Variants in RPTOR observed in about 807,000 individuals in gnomAD.
RPTOR encodes regulatory-associated protein of mTOR.
In RPTOR, 21 loss-of-function variants were observed where a neutral mutation model predicts 169.9. That is an observed-to-expected ratio of 0.12 (90% CI 0.09 to 0.18). The LOEUF is 0.18. RPTOR is among the 10% of genes least tolerant of loss of function. The pLI, the probability that RPTOR is intolerant of heterozygous loss-of-function variation, is 1.00. For synonymous variants in RPTOR, 732 were observed against 753.2 expected (o/e 0.97, Z 0.46); for missense variants, 1,133 against 1,855.9 (o/e 0.61, Z 7.16).
At chr17:80,856,354 T>G (rs2067851765) in intron 12 of RPTOR, among the ~76,000 whole-genome samples, 1 of 152,210 alleles carries the variant, frequency 6.6e-6, no homozygotes. Flanking sequence ...TGAAATCACA[T>G]GACATATGAG....
At chr17:80,556,920 C>T (rs1382369670) in intron 1 of RPTOR, among the ~76,000 whole-genome samples, 1 of 151,900 alleles carries the variant, frequency 6.6e-6, no homozygotes, top group Non-Finnish European at 1.5e-5. Flanking sequence ...ATGGCGAAAC[C>T]CCGTCTCTAC....
chr17:80,821,875 A>C (rs761651764), intron 7 of RPTOR, among the ~76,000 whole-genome samples: 1 of 152,202 alleles, frequency 6.6e-6, no homozygotes, highest in Non-Finnish European at 1.5e-5. Flanking sequence ...AGCACGTGCC[A>C]CAGACTGCCC....
In RPTOR at chr17:80,589,048, C is replaced by T. The variant is rs188280690; in HGVS notation, c.163-36643C>T. On this transcript the variant is annotated intron_variant, in intron 1 of 33. Transcript: ENST00000306801. ...TTGTTTTTTACATTTAGGTCCCTAA[C>T]GAGGGTGACTGCCAGTCCCTGTGTG... Among the ~76,000 whole-genome samples the T allele has an allele frequency of 1.3e-4, 20 of 152,292 alleles. No individual in the cohort carries two copies. In the East Asian group the frequency reaches 1.7e-3, roughly 13 times the overall value.
chr17:80,688,024 C>T (rs891273710), intron 3 of RPTOR, among the ~76,000 whole-genome samples: 1 of 152,332 alleles, frequency 6.6e-6, no homozygotes, highest in African/African-American at 2.4e-5. Context: ...CCCACCTCCA[C>T]TCAGCAGTCT....
rs188478590 is a variant in RPTOR, at chr17:80,751,536, G to A, written c.655-2474G>A. ...TAAGGAGCAAGGAAGGAGCAAAAAT[G>A]CAGACACAGACACATTCTCTCCCCG... On this transcript the variant is annotated intron_variant, in intron 5 of 33. Coordinates refer to ENST00000306801, the MANE Select transcript of RPTOR (RefSeq NM_020761.3). Among the ~76,000 whole-genome samples, 7 of 152,314 alleles carry A rather than the reference G, an allele frequency of 4.6e-5. No homozygotes were observed. In the East Asian group the frequency reaches 1.4e-3, roughly 29 times the overall value.
In RPTOR at chr17:80,965,281, G is replaced by A. The variant is rs546290478; in HGVS notation, c.*951G>A. 2.1e-4 allele frequency: 49 copies of A among 233,390 alleles called. No homozygotes were observed. The highest frequency in any genetic ancestry group is 9.2e-4 in the African/African-American group (42 of 45,486). 14.5% of individuals were successfully genotyped at this position (233,390 alleles called of 1,614,324 possible). A position where few individuals can be genotyped will look rare whatever the true frequency, so the allele number is the denominator to read the frequency against. On this transcript the variant is annotated 3_prime_UTR_variant, in exon 34 of 34. Coordinates refer to ENST00000306801, the MANE Select transcript of RPTOR (RefSeq NM_020761.3). ...CTGGGGGCACACACATGCAGGCGGC[G>A]TGGTCTCCCTGCTCTGTCCCCACAC...
intron 1 of RPTOR, among the ~76,000 whole-genome samples, chr17:80,576,253 TG>T (rs1309223112): frequency 6.6e-6 from 1 of 152,230 alleles, no homozygotes; most frequent in Non-Finnish European, 1.5e-5. Context: ...CTTCCTGTAA[TG>T]TTTTTTTAAA....
Position 80,710,571 on chromosome 17 carries a change from ATGTGTGTGTGTG to A in RPTOR, c.507+2602_507+2613del, listed in dbSNP as rs59732457. The stretch of plus-strand genomic sequence containing the variant: ...TGATTTGCCTCCCTTGGTTATTTGT[ATGTGTGTGTGTG>A]TGTGTGTGTGTGTGTGTGTGTGTGT... On this transcript the variant is annotated intron_variant, in intron 4 of 33. Coordinates refer to ENST00000306801, the MANE Select transcript of RPTOR (RefSeq NM_020761.3). 1.3e-3 allele frequency among the ~76,000 whole-genome samples: 185 copies of A among 145,116 alleles called. 1 individual carries two copies. The highest frequency in any genetic ancestry group is 2.6e-3 in the East Asian group (13 of 4,936).
intron 1 of RPTOR, among the ~76,000 whole-genome samples, chr17:80,561,263 G>GTATATATATATATA (rs1555713889): frequency 4.1e-4 from 8 of 19,604 alleles, no homozygotes; most frequent in African/African-American, 6.4e-4. Flanking sequence ...ATATATATAT[G>GTATATATATATATA]TATATATATA....
chr17:80,546,439 C>T (rs568685698), intron 1 of RPTOR, among the ~76,000 whole-genome samples: 1 of 152,106 alleles, frequency 6.6e-6, no homozygotes, highest in Middle Eastern at 3.4e-3. Context: ...TTAGGGTGTC[C>T]GCATGGTGTT....
chr17:80,747,836 GTGC>G lies in RPTOR; in HGVS notation c.655-6171_655-6169del, dbSNP rs554556229. Among the ~76,000 whole-genome samples the G allele has an allele frequency of 6.6e-5, 10 of 152,374 alleles. No individual in the cohort carries two copies. In the East Asian group the frequency reaches 1.9e-3, roughly 29 times the overall value. ...CCACCCCATGCCATCCTATGTTCTA[GTGC>G]TGACTTGGAAGAAAGGTGGGTTGGT... On this transcript the variant is annotated intron_variant, in intron 5 of 33. Transcript: ENST00000306801.
chr17:80,684,397 G>A, intron 3 of RPTOR, among the ~76,000 whole-genome samples: 1 of 145,652 alleles, frequency 6.9e-6, no homozygotes, highest in African/African-American at 2.5e-5. Context: ...TAAATAAGGA[G>A]ATACATGTTT....
intron 3 of RPTOR, among the ~76,000 whole-genome samples, chr17:80,700,120 T>C (rs1171901790): frequency 2.0e-5 from 3 of 152,154 alleles, no homozygotes; most frequent in African/African-American, 7.2e-5. Context: ...GGTTAGAACA[T>C]AATGAGGCAA....
intron 7 of RPTOR, among the ~76,000 whole-genome samples, chr17:80,819,553 C>G (rs921213110): frequency 3.3e-5 from 5 of 152,192 alleles, no homozygotes; most frequent in African/African-American, 1.2e-4. Context: ...CACCACACAC[C>G]CTACATCCCA....
chr17:80,554,858 ACCT>A (rs2084389747), intron 1 of RPTOR, among the ~76,000 whole-genome samples: 1 of 152,202 alleles, frequency 6.6e-6, no homozygotes, highest in Non-Finnish European at 1.5e-5. Flanking sequence ...AAAAAAAGCC[ACCT>A]GAGACAAGTG....
intron 13 of RPTOR, among the ~76,000 whole-genome samples, chr17:80,879,398 C>T (rs1258174237): frequency 2.7e-5 from 4 of 148,384 alleles, no homozygotes; most frequent in Non-Finnish European, 6.0e-5. Context: ...CCCCTGCCCC[C>T]GCCTGCCCTG....
At chr17:80,751,707 A>T (rs1294812089) in intron 5 of RPTOR, among the ~76,000 whole-genome samples, 1 of 152,214 alleles carries the variant, frequency 6.6e-6, no homozygotes, top group Non-Finnish European at 1.5e-5. Context: ...AGTCTGAGTA[A>T]ACAAAAGTGA....
chr17:80,918,442 C>CGGAGTCATAGCCACGAGCACCCTCGCG (rs2068701722), intron 21 of RPTOR, among the ~76,000 whole-genome samples: 4 of 75,112 alleles, frequency 5.3e-5, no homozygotes, highest in African/African-American at 2.2e-4. Flanking sequence ...GCACCCTCGC[C>CGGAGTCATAGCCACGAGCACCCTCGCG]GGAGTCATAG....
intron 4 of RPTOR, among the ~76,000 whole-genome samples, chr17:80,729,949 G>C (rs1255381208): frequency 1.3e-5 from 2 of 152,196 alleles, no homozygotes; most frequent in African/African-American, 4.8e-5. Flanking sequence ...GGGAGGTCCC[G>C]CAGTGAAAAC....
Sources: gnomAD v4.1 joint callset for allele counts (sites outside exome capture counted in the v4.1 genomes callset) on GRCh38, gnomAD v4.1.1 for gene constraint, MANE v1.5 for transcripts, NCBI Gene and HGNC (gene_info 2026-07-23, HGNC 2026-07-21) for gene names.